MTUS2: variants seen among roughly 807,000 people sequenced by gnomAD.
MTUS2 encodes microtubule associated scaffold protein 2, also known as microtubule-associated tumor suppressor candidate 2.
MTUS2 carries 40 observed loss-of-function variants against 114.1 expected under a neutral mutation model. The observed-to-expected ratio is 0.35, with a 90% confidence interval of 0.27 to 0.46. The LOEUF (loss-of-function observed/expected upper bound fraction) is 0.46, where lower values mean the gene tolerates loss of function less well. MTUS2 is among the 20% of genes least tolerant of loss of function. MTUS2 has a pLI of 1.00. For synonymous variants in MTUS2, 688 were observed against 672.0 expected (o/e 1.02, Z -0.37); for missense variants, 1,679 against 1,705.4 (o/e 0.98, Z 0.27).
At chr13:29,363,692 A>G (rs1014972500) in intron 8 of MTUS2, among the ~76,000 whole-genome samples, 3 of 152,108 alleles carry the variant, frequency 2.0e-5, no homozygotes, top group Non-Finnish European at 4.4e-5. Context: ...TTTTTTATAT[A>G]TTTTGTATAT....
chr13:28,983,831 C>G (rs775405768), intron 2 of MTUS2, among the ~76,000 whole-genome samples: 26 of 152,238 alleles, frequency 1.7e-4, no homozygotes, highest in Non-Finnish European at 3.2e-4. Context: ...ACTAAACTAA[C>G]AGGCTGCTTT....
At chr13:29,333,926 C>T (rs766792598) in intron 7 of MTUS2, among the ~76,000 whole-genome samples, 23 of 152,138 alleles carry the variant, frequency 1.5e-4, no homozygotes, top group Admixed American at 7.9e-4. Flanking sequence ...GCATTGATCC[C>T]GTTACCATTA....
chr13:29,217,342 A>G (rs924440736), intron 5 of MTUS2, among the ~76,000 whole-genome samples: 21 of 152,214 alleles, frequency 1.4e-4, no homozygotes, highest in Admixed American at 3.9e-4. Flanking sequence ...ACTATTACAT[A>G]GGCATACCTT....
chr13:29,165,222 T>A (rs1247277167), intron 5 of MTUS2, among the ~76,000 whole-genome samples: 2 of 152,216 alleles, frequency 1.3e-5, no homozygotes, highest in Non-Finnish European at 2.9e-5. Context: ...CTTTGCATAT[T>A]CTATTCTCAC....
chr13:29,078,769 A>C (rs1364472991), intron 4 of MTUS2, among the ~76,000 whole-genome samples: 6 of 152,068 alleles, frequency 3.9e-5, no homozygotes, highest in South Asian at 4.1e-4. Context: ...TCAGTACTTC[A>C]CTCCTTTTTA....
At chr13:28,833,243 A>G (rs555310626) in intron 1 of MTUS2, among the ~76,000 whole-genome samples, 1 of 152,278 alleles carries the variant, frequency 6.6e-6, no homozygotes, top group African/African-American at 2.4e-5. Flanking sequence ...ACTTTGATAC[A>G]AAAGCCAAAG....
At chr13:28,948,131 A>G (rs1324192130) in intron 2 of MTUS2, among the ~76,000 whole-genome samples, 1 of 152,216 alleles carries the variant, frequency 6.6e-6, no homozygotes, top group Non-Finnish European at 1.5e-5. Context: ...CACTAGCAAA[A>G]TAATTTTGCT....
At chr13:29,441,558 C>A (rs200831336) in intron 9 of MTUS2, among the ~76,000 whole-genome samples, 1 of 70,524 alleles carries the variant, frequency 1.4e-5, no homozygotes, top group Non-Finnish European at 3.8e-5. Flanking sequence ...AATGTGGCCA[C>A]GCCTCATGAT....
Position 29,144,314 on chromosome 13 carries a change from G to C in MTUS2, c.2644+43344G>C, listed in dbSNP as rs1337572661. Among the ~76,000 whole-genome samples the C allele has an allele frequency of 2.0e-5, 3 of 152,086 alleles. 1 individual carries two copies. The highest frequency in any genetic ancestry group is 2.0e-4 in the Admixed American group (3 of 15,278). Reference sequence around the variant, plus strand: ...CTGTTCAGGGTCTCAGAAAGCTGCAGTCAAGGTGTTGGCTGGCTGCATGCT... The same window carrying C: ...CTGTTCAGGGTCTCAGAAAGCTGCACTCAAGGTGTTGGCTGGCTGCATGCT... On this transcript the variant is annotated intron_variant, in intron 5 of 15. Coordinates refer to ENST00000612955, the MANE Select transcript of MTUS2 (RefSeq NM_001033602.4).
At chr13:29,225,071 T>C (rs1167106980) in intron 5 of MTUS2, among the ~76,000 whole-genome samples, 1 of 152,200 alleles carries the variant, frequency 6.6e-6, no homozygotes, top group Non-Finnish European at 1.5e-5. Context: ...CAGCAGGCTT[T>C]GCTCAGCTTC....
chr13:29,153,934 A>G (rs1892759765), intron 5 of MTUS2, among the ~76,000 whole-genome samples: 1 of 152,182 alleles, frequency 6.6e-6, no homozygotes, highest in Non-Finnish European at 1.5e-5. Flanking sequence ...CTCAGTAAGG[A>G]AGTTTTGAGA....
chr13:29,476,551 T>A (rs1476346784), intron 9 of MTUS2: 1 of 88,952 alleles, frequency 1.1e-5, no homozygotes, highest in Non-Finnish European at 2.4e-5. Context: ...ATAATTCACA[T>A]ACCATACAAC....
chr13:29,368,793 G>C (rs1870954024), intron 8 of MTUS2, among the ~76,000 whole-genome samples: 1 of 148,332 alleles, frequency 6.7e-6, no homozygotes, highest in Non-Finnish European at 1.5e-5. Flanking sequence ...GAGAGAAAAG[G>C]GAGGCTCTAG....
At chr13:29,326,520 A>T (rs1198862741) in intron 7 of MTUS2, among the ~76,000 whole-genome samples, 1 of 152,120 alleles carries the variant, frequency 6.6e-6, no homozygotes, top group Non-Finnish European at 1.5e-5. Flanking sequence ...TATTGGAATG[A>T]GGGGTTAAAA....
intron 12 of MTUS2, among the ~76,000 whole-genome samples, chr13:29,494,197 G>T (rs184220512): frequency 6.6e-6 from 1 of 152,250 alleles, no homozygotes; most frequent in Admixed American, 6.5e-5. Flanking sequence ...AAAGTGGATA[G>T]CCCTGGGTTG....
At chr13:29,283,899 A>G (rs1898373188) in intron 6 of MTUS2, among the ~76,000 whole-genome samples, 1 of 152,264 alleles carries the variant, frequency 6.6e-6, no homozygotes, top group South Asian at 2.1e-4. Flanking sequence ...GCAAAAATCC[A>G]AAAGTTTGAC....
intron 4 of MTUS2, among the ~76,000 whole-genome samples, chr13:29,049,735 T>A (rs1159612724): frequency 1.3e-5 from 2 of 152,168 alleles, no homozygotes; most frequent in Non-Finnish European, 2.9e-5. Flanking sequence ...GCCGAGTAGA[T>A]GCACAGGAGG....
At chr13:29,151,640 T>G (rs558818907) in intron 5 of MTUS2, among the ~76,000 whole-genome samples, 24 of 152,356 alleles carry the variant, frequency 1.6e-4, no homozygotes, top group Admixed American at 1.4e-3. Context: ...CTTCCAGCTT[T>G]TATCTATTCA....
chr13:29,063,639 A>G (rs1252923933), intron 4 of MTUS2, among the ~76,000 whole-genome samples: 2 of 152,188 alleles, frequency 1.3e-5, no homozygotes, highest in African/African-American at 2.4e-5. Context: ...AAGTTATAAC[A>G]TGAAGACCGT....
Sources: allele counts gnomAD v4.1 joint callset (sites outside exome capture counted in the v4.1 genomes callset), GRCh38; gene constraint gnomAD v4.1.1; transcripts MANE v1.5; gene names NCBI Gene and HGNC (gene_info 2026-07-23, HGNC 2026-07-21).